The following AHNAK variants were observed in gnomAD, a reference collection of about 807,000 sequenced individuals.
The protein encoded by AHNAK is AHNAK nucleoprotein, also known as neuroblast differentiation-associated protein AHNAK.
Under a neutral mutation model 37.8 loss-of-function variants are expected in AHNAK, and 23 were observed. The observed-to-expected ratio is 0.61, with a 90% CI of 0.44 to 0.86. The LOEUF is 0.86. Ranked by LOEUF, AHNAK falls within the 40% of genes least tolerant of loss-of-function variation. The pLI is 0.00. For missense variants in AHNAK, 7,411 were observed against 7,319.4 expected (o/e 1.01, Z -0.46); for synonymous variants, 2,481 against 2,636.3 (o/e 0.94, Z 1.80).
chr11:62,461,969 T>C (rs1169697752), intron 5 of AHNAK, among the ~76,000 whole-genome samples: 1 of 152,218 alleles, frequency 6.6e-6, no homozygotes, highest in African/African-American at 2.4e-5. Context: ...AGTCATTTTA[T>C]AGGGAAGAAT....
intron 5 of AHNAK, among the ~76,000 whole-genome samples, chr11:62,482,793 A>C (rs1459435526): frequency 3.3e-5 from 5 of 152,200 alleles, no homozygotes; most frequent in African/African-American, 9.6e-5. Flanking sequence ...TGTGTAGCAA[A>C]GAGGAACAGG....
chr11:62,501,153 G>A (rs1249482446), intron 4 of AHNAK, among the ~76,000 whole-genome samples: 2 of 151,818 alleles, frequency 1.3e-5, no homozygotes, highest in Non-Finnish European at 2.9e-5. Context: ...TGGAGTGGCA[G>A]ATGGCACCAC....
chr11:62,448,672 C>T lies in AHNAK; in HGVS notation c.443-14781G>A, dbSNP rs74751187. Among the ~76,000 whole-genome samples, 926 of 152,244 alleles carry T rather than the reference C, an allele frequency of 6.1e-3. 6 individuals carry two copies. Among genetic ancestry groups the T allele is most frequent in the African/African-American group, 0.021 (883 of 41,546 alleles). ...TGAGTTCCATTTGGGAAATGCTGAG[C>T]TTGAAATGCTTGAGAGACATCCAAG... is the stretch of plus-strand genomic sequence containing the variant. On this transcript the variant is annotated intron_variant, in intron 5 of 5. Coordinates refer to the AHNAK transcript ENST00000257247.
chr11:62,513,238 C>A (rs909418595), downstream of AHNAK, among the ~76,000 whole-genome samples: 6 of 152,108 alleles, frequency 3.9e-5, no homozygotes, highest in African/African-American at 1.4e-4. Context: ...CTGGTTCCTG[C>A]AAGACTTTAG....
chr11:62,473,438 G>A (rs1939081266), intron 5 of AHNAK, among the ~76,000 whole-genome samples: 3 of 144,220 alleles, frequency 2.1e-5, no homozygotes, highest in African/African-American at 7.8e-5. Flanking sequence ...GCTCACGCCT[G>A]TAATCCCAGC....
At chr11:62,490,106 G>T (rs546476139) in intron 5 of AHNAK, among the ~76,000 whole-genome samples, 10 of 152,120 alleles carry the variant, frequency 6.6e-5, no homozygotes, top group Admixed American at 5.2e-4. Context: ...GACAGGAATG[G>T]AACAGGCAAT....
intron 1 of AHNAK, among the ~76,000 whole-genome samples, chr11:62,545,071 C>A (rs900991947): frequency 2.0e-5 from 3 of 152,200 alleles, no homozygotes; most frequent in Admixed American, 6.5e-5. Flanking sequence ...CCTTTTCCTC[C>A]GGAGACTCCG....
intron 5 of AHNAK, among the ~76,000 whole-genome samples, chr11:62,468,360 A>AG (rs1938957909): frequency 1.1e-3 from 3 of 2,610 alleles, no homozygotes; most frequent in African/African-American, 1.8e-3. Flanking sequence ...AAAAAAAAGA[A>AG]AAAAAAAAAA....
chr11:62,516,978 A>T lies in AHNAK; in HGVS notation c.17439T>A (p.Val5813=). Residue 5813 remains valine, a synonymous_variant, in exon 5 of 5, where the codon GTT becomes GTA. Transcript: ENST00000378024. The part of the protein sequence containing the change: ...GGEVSLEGGK[V]KGKHGKLKFG... The stretch of plus-strand genomic sequence containing the variant: ...ATTTCAGCTTCCCGTGTTTCCCTTT[A>T]ACTTTCCCACCTTCCAGAGACACTT... The T allele has an allele frequency of 6.2e-7, 1 of 1,614,108 alleles. No individual in the cohort carries two copies. Among genetic ancestry groups the T allele is most frequent in the Non-Finnish European group, 8.5e-7 (1 of 1,180,016 alleles).
chr11:62,528,441 A>G lies in AHNAK; in HGVS notation c.5976T>C (p.Pro1992=), dbSNP rs144102369. 3 of 1,613,474 alleles carry G rather than the reference A, an allele frequency of 1.9e-6. No individual in the cohort carries two copies. Among genetic ancestry groups the G allele is most frequent in the Non-Finnish European group, 2.5e-6 (3 of 1,179,916 alleles). Residue 1992 remains proline (P), a synonymous_variant, in exon 5 of 5, where the codon CCT becomes CCC. Transcript: ENST00000378024. ...MHFKTPKISM[P]DVDLHLKGPK... ...GGCCTTTCAGGTGTAAGTCCACATC[A>G]GGCATGGAGATCTTGGGGGTCTTGA...
intron 5 of AHNAK, among the ~76,000 whole-genome samples, chr11:62,457,772 A>G (rs896464528): frequency 6.6e-6 from 1 of 152,236 alleles, no homozygotes; most frequent in African/African-American, 2.4e-5. Flanking sequence ...AGATACTGTC[A>G]CCACCAGAGA....
At chr11:62,486,779 G>A (rs1347027022) in intron 5 of AHNAK, among the ~76,000 whole-genome samples, 1 of 151,308 alleles carries the variant, frequency 6.6e-6, no homozygotes, top group East Asian at 1.9e-4. Context: ...TCTTTACATA[G>A]ATGGAGAACT....
At position 62,522,374 on chromosome 11, in the gene AHNAK, C is replaced by G. The variant is rs563291924; in HGVS notation, c.12043G>C (p.Val4015Leu). 6.2e-7 allele frequency: 1 copy of G among 1,613,838 alleles called. No individual in the cohort carries two copies. The highest frequency in any genetic ancestry group is 1.7e-5 in the Admixed American group (1 of 59,972). Residue 4015 changes from valine (V) to leucine (L), a missense_variant, in exon 5 of 5, where the codon GTG becomes CTG. Val to Leu is a conservative substitution (Grantham distance 32). Transcript: ENST00000378024. ...DFDLHLKGPKVKGDVDVSLPK... is the reference protein window; with the variant it reads ...DFDLHLKGPKLKGDVDVSLPK... ...AGAGAAACATCCACATCTCCTTTCA[C>G]CTTAGGGCCTTTCAGATGCAAATCA...
chr11:62,522,260 C>T lies in AHNAK; in HGVS notation c.12157G>A (p.Gly4053Ser). 1.2e-6 allele frequency: 2 copies of T among 1,613,458 alleles called. No individual in the cohort carries two copies. The highest frequency in any genetic ancestry group is 2.2e-5 in the East Asian group (1 of 44,834). ...GGCATCTTCAGGTGCCAGTCTGGGC[C>T]ATGAACATCCACATCTGGGGCATCA... ...DIDAPDVDVH[G>S]PDWHLKMPKV... Residue 4053 changes from glycine to serine, a missense_variant, in exon 5 of 5, where the codon GGC becomes AGC. Gly to Ser is a moderately conservative substitution (Grantham distance 56, BLOSUM62 0). Transcript: ENST00000378024.
chr11:62,506,588 C>A (rs1030248061), intron 4 of AHNAK, among the ~76,000 whole-genome samples: 2 of 152,164 alleles, frequency 1.3e-5, no homozygotes, highest in Non-Finnish European at 2.9e-5. Flanking sequence ...CCCCAGCTGG[C>A]CAGAGGGTTG....
chr11:62,460,146 G>T (rs1050942226), intron 5 of AHNAK, among the ~76,000 whole-genome samples: 1 of 150,934 alleles, frequency 6.6e-6, no homozygotes, highest in African/African-American at 2.4e-5. Context: ...AAAGAGCTGG[G>T]CGTGGTGGCA....
At chr11:62,496,724 G>A (rs1045758743) in intron 4 of AHNAK, among the ~76,000 whole-genome samples, 1 of 152,048 alleles carries the variant, frequency 6.6e-6, no homozygotes, top group African/African-American at 2.4e-5. Flanking sequence ...GAACCCGGGA[G>A]GCGGCAGTTG....
Position 62,523,482 on chromosome 11 carries a change from C to T in AHNAK, c.10935G>A (p.Val3645=), listed in dbSNP as rs1168874657. 1 of 1,612,870 alleles carries T rather than the reference C, an allele frequency of 6.2e-7. No homozygotes were observed. Among genetic ancestry groups the T allele is most frequent in the South Asian group, 1.1e-5 (1 of 90,998 alleles). The change falls in exon 5 of 5, where the codon GTG becomes GTA. Residue 3645 remains valine (V), a synonymous_variant. Coordinates refer to ENST00000378024, the MANE Select transcript of AHNAK (RefSeq NM_001620.3). ...GCTTTGCATCTGGACCTTCAATATT[C>T]ACGTCTGGAACATCAACGTCTACAT... is the stretch of plus-strand genomic sequence containing the variant. ...GPNVDVDVPD[V]NIEGPDAKLK...
Position 62,521,743 on chromosome 11 carries a change from T to G in AHNAK, c.12674A>C (p.Asp4225Ala). 6.2e-7 allele frequency: 1 copy of G among 1,613,780 alleles called. No individual in the cohort carries two copies. Among genetic ancestry groups the G allele is most frequent in the Non-Finnish European group, 8.5e-7 (1 of 1,179,974 alleles). Reference sequence around the variant, plus strand: ...GATATTCACATCAGGAACATCAATGTCCACCTTGGGTCCTGAGACGTCAAG... The same window carrying G: ...GATATTCACATCAGGAACATCAATGGCCACCTTGGGTCCTGAGACGTCAAG... ...ADLDVSGPKV[D>A]IDVPDVNIEG... is the part of the protein sequence containing the mutation. Residue 4225 changes from aspartate to alanine, a missense_variant, in exon 5 of 5, where the codon GAC (aspartate) becomes GCC (alanine). By Grantham distance (126) the Asp-to-Ala change is moderately radical. Transcript: ENST00000378024.
Sources: gnomAD v4.1 joint callset for allele counts (sites outside exome capture counted in the v4.1 genomes callset) on GRCh38, gnomAD v4.1.1 for gene constraint, MANE v1.5 for transcripts, NCBI Gene and HGNC (gene_info 2026-07-23, HGNC 2026-07-21) for gene names.